Variants in FHOD3 observed in about 807,000 individuals in gnomAD.
The protein encoded by FHOD3 is FH1/FH2 domain-containing protein 3.
FHOD3 carries 90 observed loss-of-function variants against 173.0 expected under a neutral mutation model. The ratio of observed to expected loss-of-function variants is 0.52; its 90% CI spans 0.44 to 0.62. FHOD3 has a LOEUF of 0.62. Ranked by LOEUF, FHOD3 falls within the 20% of genes least tolerant of loss-of-function variation. FHOD3 has a pLI of 0.00. For missense variants in FHOD3, 1,945 were observed against 2,034.7 expected (o/e 0.96, Z 0.85); for synonymous variants, 828 against 823.0 (o/e 1.01, Z -0.10).
At chr18:36,544,291 G>A (rs928836427) in intron 5 of FHOD3, among the ~76,000 whole-genome samples, 4 of 152,244 alleles carry the variant, frequency 2.6e-5, no homozygotes, top group Non-Finnish European at 5.9e-5. Context: ...CTCATGCAGG[G>A]CCACACTTGG....
intron 2 of FHOD3, among the ~76,000 whole-genome samples, chr18:36,368,119 C>G (rs2046995850): frequency 6.6e-6 from 1 of 152,012 alleles, no homozygotes; most frequent in African/African-American, 2.4e-5. Context: ...CTCTCTCTCT[C>G]TCATCTATGT....
intron 25 of FHOD3, among the ~76,000 whole-genome samples, chr18:36,757,461 C>T (rs2042679574): frequency 6.6e-6 from 1 of 152,312 alleles, no homozygotes; most frequent in East Asian, 1.9e-4. Context: ...CCAAGGACAT[C>T]ATAACCTGGT....
chr18:36,462,354 CAG>C (rs763025984), intron 3 of FHOD3, among the ~76,000 whole-genome samples: 6 of 151,966 alleles, frequency 3.9e-5, no homozygotes, highest in Non-Finnish European at 8.8e-5. Context: ...GTTTTTGAGA[CAG>C]AGTCTCGCTC....
At chr18:36,755,015 AT>A (rs2042568560) in intron 24 of FHOD3, 103 bp from the exon 25 acceptor site, 5 of 257,208 alleles carry the variant, frequency 1.9e-5, no homozygotes, top group African/African-American at 2.4e-5. Flanking sequence ...TATTATTATT[AT>A]TTATTTTAAG....
intron 14 of FHOD3, among the ~76,000 whole-genome samples, chr18:36,672,055 G>T (rs544476819): frequency 6.6e-6 from 1 of 152,336 alleles, no homozygotes; most frequent in African/African-American, 2.4e-5. Context: ...TGGGAAGCAA[G>T]ATGGTGAGTG....
chr18:36,608,101 C>T (rs556230977), intron 8 of FHOD3, among the ~76,000 whole-genome samples: 83 of 152,318 alleles, frequency 5.4e-4, no homozygotes, highest in Non-Finnish European at 1.1e-3. Flanking sequence ...TCCAAAGCTG[C>T]TTTCACGTTT....
intron 22 of FHOD3, 119 bp from the exon 23 acceptor site, chr18:36,743,913 C>A (rs1012757574): frequency 1.4e-5 from 16 of 1,138,860 alleles, no homozygotes; most frequent in Non-Finnish European, 1.9e-5. Context: ...GCCCCAGGAG[C>A]TTCAGCCACA....
At chr18:36,351,150 A>T (rs555165822) in intron 1 of FHOD3, among the ~76,000 whole-genome samples, 34 of 152,296 alleles carry the variant, frequency 2.2e-4, no homozygotes, top group Non-Finnish European at 2.4e-4. Flanking sequence ...TTGCACACAC[A>T]TGTCCTGTCT....
chr18:36,740,740 A>T lies in FHOD3; in HGVS notation c.3661A>T (p.Ser1221Cys), dbSNP rs375394116. The T allele has an allele frequency of 3.7e-6, 6 of 1,614,086 alleles. No homozygotes were observed. The highest frequency in any genetic ancestry group is 5.1e-6 in the Non-Finnish European group (6 of 1,180,014). The change falls in exon 21 of 29, where the codon AGT becomes TGT. Residue 1221 changes from serine to cysteine, a missense_variant. By Grantham distance (112) the Ser-to-Cys change is moderately radical (BLOSUM62 -1). Around this residue, in one of 5 missense-constraint regions of FHOD3, gnomAD observed 231 missense variants for 321.9 expected, o/e 0.72. Coordinates refer to ENST00000590592, the MANE Select transcript of FHOD3 (RefSeq NM_001281740.3). ...GGCCAACCCTGAAATCCCCCTGGGCAGTGCAGAGCAGTTCCTCCTCACCCT... is the reference window on the plus strand; with the variant it reads ...GGCCAACCCTGAAATCCCCCTGGGCTGTGCAGAGCAGTTCCTCCTCACCCT... The part of the protein sequence containing the change: ...QLANPEIPLG[S>C]AEQFLLTLSS...
intron 5 of FHOD3, among the ~76,000 whole-genome samples, chr18:36,553,473 A>G (rs903737959): frequency 6.6e-6 from 1 of 152,084 alleles, no homozygotes; most frequent in Non-Finnish European, 1.5e-5. Flanking sequence ...TTGGTAGGCT[A>G]TTGATTATTG....
At chr18:36,770,395 C>G (rs1053382029) in intron 28 of FHOD3, among the ~76,000 whole-genome samples, 1 of 152,144 alleles carries the variant, frequency 6.6e-6, no homozygotes, top group Non-Finnish European at 1.5e-5. Flanking sequence ...AGGAGGTGAC[C>G]AGGGTGTGGC....
chr18:36,596,224 G>C (rs748632930), intron 7 of FHOD3, among the ~76,000 whole-genome samples: 3 of 151,352 alleles, frequency 2.0e-5, no homozygotes, highest in Non-Finnish European at 4.4e-5. Context: ...GCGCGATCTC[G>C]GCTCACTGCA....
rs1363589495 is a variant in FHOD3 at position 36,327,954 on chromosome 18, G to C, written c.166-27585G>C. Among the ~76,000 whole-genome samples, 5 of 152,118 alleles carry C rather than the reference G, an allele frequency of 3.3e-5. No individual in the cohort carries two copies. The East Asian group carries it at 5.8e-4, about 18-fold the overall frequency. The stretch of plus-strand genomic sequence containing the variant: ...AGAATTAGGCTATGGGTCAGATTTG[G>C]CCCATGGGTTTTTAGTTCTGTTCCC... On this transcript the variant is annotated intron_variant, in intron 1 of 28. Transcript: ENST00000590592.
At chr18:36,617,444 A>G (rs569462773) in intron 9 of FHOD3, among the ~76,000 whole-genome samples, 38 of 152,202 alleles carry the variant, frequency 2.5e-4, no homozygotes, top group Non-Finnish European at 4.8e-4. Flanking sequence ...ATGTTGATAT[A>G]TGGATAACAG....
chr18:36,693,732 T>A (rs1427037555), intron 17 of FHOD3, among the ~76,000 whole-genome samples: 1 of 152,240 alleles, frequency 6.6e-6, no homozygotes, highest in Non-Finnish European at 1.5e-5. Context: ...TTTAATACTT[T>A]ATCATTTTGA....
chr18:36,638,379 G>T (rs2035039906), intron 10 of FHOD3, among the ~76,000 whole-genome samples: 1 of 152,306 alleles, frequency 6.6e-6, no homozygotes, highest in Non-Finnish European at 1.5e-5. Flanking sequence ...ATAGGGTGGA[G>T]ATGAGGTTGC....
intron 8 of FHOD3, among the ~76,000 whole-genome samples, chr18:36,603,566 C>T (rs769002534): frequency 5.9e-5 from 9 of 151,866 alleles, no homozygotes; most frequent in South Asian, 2.1e-4. Flanking sequence ...TGCAGTGGCA[C>T]GATCTCGGCT....
chr18:36,439,745 A>G (rs1385527152), intron 3 of FHOD3, among the ~76,000 whole-genome samples: 3 of 152,142 alleles, frequency 2.0e-5, no homozygotes, highest in Non-Finnish European at 1.5e-5. Context: ...AAGCCTGAGA[A>G]CCTGGGAGGT....
intron 28 of FHOD3, among the ~76,000 whole-genome samples, chr18:36,770,557 A>C (rs545294082): frequency 2.6e-5 from 4 of 152,196 alleles, no homozygotes; most frequent in African/African-American, 7.2e-5. Flanking sequence ...GGAAAATAAC[A>C]CTTGAGGTTG....
Sources: gnomAD v4.1 joint callset for allele counts (sites outside exome capture counted in the v4.1 genomes callset) on GRCh38, gnomAD v4.1.1 for gene constraint, gnomAD v4.1.1 regional missense constraint, MANE v1.5 for transcripts, NCBI Gene and HGNC (gene_info 2026-07-23, HGNC 2026-07-21) for gene names.